The following ST6GAL1 variants were observed in gnomAD, a reference collection of about 807,000 sequenced individuals.
The protein encoded by ST6GAL1 is ST6 beta-galactoside alpha-2,6-sialyltransferase 1.
In ST6GAL1, 20 loss-of-function variants were observed where a neutral mutation model predicts 38.0. That is an observed-to-expected ratio of 0.53 (90% CI 0.37 to 0.77). The LOEUF is 0.77. Among genes scored for constraint, ST6GAL1 ranks in the 30% least tolerant of loss-of-function variants. The probability of loss-of-function intolerance (pLI) is 0.00; values close to 1 mark genes in which losing one functional copy is unlikely to be tolerated. For missense variants in ST6GAL1, 432 were observed against 496.4 expected (o/e 0.87, Z 1.23); for synonymous variants, 196 against 188.2 (o/e 1.04, Z -0.34).
At chr3:186,985,055 C>G (rs986607108) in intron 2 of ST6GAL1, among the ~76,000 whole-genome samples, 2 of 151,838 alleles carry the variant, frequency 1.3e-5, no homozygotes, top group African/African-American at 4.8e-5. Flanking sequence ...ATTACAGGTG[C>G]CCACCATGAC....
chr3:187,054,676 G>A (rs1718630145), intron 5 of ST6GAL1, among the ~76,000 whole-genome samples: 1 of 152,100 alleles, frequency 6.6e-6, no homozygotes, highest in South Asian at 2.1e-4. Flanking sequence ...TAAGCTTTTT[G>A]ATGCACTGCT....
intron 2 of ST6GAL1, among the ~76,000 whole-genome samples, chr3:186,983,423 G>A (rs1218698268): frequency 1.3e-5 from 2 of 152,154 alleles, no homozygotes; most frequent in Non-Finnish European, 2.9e-5. Context: ...GAAATATTCT[G>A]AGAGTAGAAA....
At chr3:186,992,396 A>G (rs1716203575) in intron 2 of ST6GAL1, among the ~76,000 whole-genome samples, 1 of 152,198 alleles carries the variant, frequency 6.6e-6, no homozygotes, top group Admixed American at 6.5e-5. Flanking sequence ...CTGCAAGTCA[A>G]TTAAAACTCT....
chr3:186,980,961 C>A (rs1218750114), intron 2 of ST6GAL1, among the ~76,000 whole-genome samples: 2 of 152,140 alleles, frequency 1.3e-5, no homozygotes, highest in African/African-American at 4.8e-5. Context: ...GGACCCATTC[C>A]TCAGTCAGTG....
intron 1 of ST6GAL1, chr3:186,948,655 T>G (rs530538667): frequency 6.6e-6 from 1 of 152,404 alleles, no homozygotes; most frequent in Admixed American, 6.5e-5. Flanking sequence ...CTCACTGGTC[T>G]CTCTGCTATA....
At chr3:186,968,214 G>A (rs901919787) in intron 2 of ST6GAL1, among the ~76,000 whole-genome samples, 13 of 152,110 alleles carry the variant, frequency 8.5e-5, no homozygotes, top group African/African-American at 2.2e-4. Context: ...ATGACCTCCC[G>A]GCTTTCTGAT....
intron 2 of ST6GAL1, among the ~76,000 whole-genome samples, chr3:186,972,872 A>G (rs1466059656): frequency 1.3e-5 from 2 of 151,940 alleles, no homozygotes. Context: ...CTGGGACAGG[A>G]GCAGTTTGGG....
chr3:186,975,341 T>C (rs1283064076), intron 2 of ST6GAL1, among the ~76,000 whole-genome samples: 1 of 152,172 alleles, frequency 6.6e-6, no homozygotes, highest in Admixed American at 6.5e-5. Context: ...CTTCAGGAGA[T>C]TAATCTTTTG....
chr3:186,963,372 G>A (rs1183246916), intron 1 of ST6GAL1, among the ~76,000 whole-genome samples: 1 of 152,194 alleles, frequency 6.6e-6, no homozygotes, highest in African/African-American at 2.4e-5. Context: ...TTACAGGCAT[G>A]AATTCACATT....
intron 1 of ST6GAL1, among the ~76,000 whole-genome samples, chr3:186,949,871 C>T (rs996623802): frequency 2.6e-5 from 4 of 152,196 alleles, no homozygotes; most frequent in African/African-American, 9.7e-5. Context: ...TGGTGTGAGT[C>T]CTAGAGGTAG....
chr3:186,951,679 C>T (rs1242942297), intron 1 of ST6GAL1, among the ~76,000 whole-genome samples: 2 of 152,310 alleles, frequency 1.3e-5, no homozygotes, highest in South Asian at 2.1e-4. Flanking sequence ...CCTATCCATA[C>T]TCTCAGTTGA....
At chr3:186,946,767 C>T (rs973189871) in intron 1 of ST6GAL1, among the ~76,000 whole-genome samples, 8 of 151,990 alleles carry the variant, frequency 5.3e-5, no homozygotes, top group Non-Finnish European at 1.2e-4. Flanking sequence ...TAAATCAGAC[C>T]ACTGAAGCTA....
chr3:187,009,465 A>T (rs117210196), intron 2 of ST6GAL1, among the ~76,000 whole-genome samples: 4 of 152,086 alleles, frequency 2.6e-5, no homozygotes, highest in Admixed American at 2.6e-4. Flanking sequence ...TATGAGTGCA[A>T]TTTTTTATTT....
chr3:187,043,066 G>A lies in ST6GAL1; in HGVS notation c.363G>A (p.Lys121=). 1.2e-6 allele frequency: 2 copies of A among 1,614,218 alleles called. No individual in the cohort carries two copies. Among genetic ancestry groups the A allele is most frequent in the Non-Finnish European group, 1.7e-6 (2 of 1,180,040 alleles). The change falls in exon 4 of 8, where the codon AAG becomes AAA. Residue 121 remains lysine, a synonymous_variant. Transcript: ENST00000169298. ...GGAAGAATTACCTAAGCATGAACAA[G>A]TACAAAGTGTCCTACAAGGGGCCAG... ...KIWKNYLSMN[K]YKVSYKGPGP...
chr3:186,940,766 G>A (rs1288200481), intron 1 of ST6GAL1, among the ~76,000 whole-genome samples: 1 of 145,164 alleles, frequency 6.9e-6, no homozygotes, highest in Non-Finnish European at 1.5e-5. Flanking sequence ...GTGTATTGGA[G>A]GTCTTCCCAT....
At chr3:186,992,975 G>A (rs544303778) in intron 2 of ST6GAL1, among the ~76,000 whole-genome samples, 12 of 152,040 alleles carry the variant, frequency 7.9e-5, no homozygotes, top group Middle Eastern at 3.4e-3. Flanking sequence ...TGCCTGTCCC[G>A]TGCAGTTCTT....
intron 1 of ST6GAL1, among the ~76,000 whole-genome samples, chr3:186,938,639 CAAGTT>C (rs1714047266): frequency 6.6e-6 from 1 of 151,902 alleles, no homozygotes; most frequent in Admixed American, 6.6e-5. Flanking sequence ...CACCAAGTGA[CAAGTT>C]GAGAGAGAAA....
rs377645864 is a variant in ST6GAL1, at chr3:187,042,937, C to T, written c.234C>T (p.Leu78=). The T allele has an allele frequency of 1.1e-4, 172 of 1,614,098 alleles. No homozygotes were observed. The highest frequency in any genetic ancestry group is 2.7e-4 in the Admixed American group (16 of 60,004). ...TQDPHRGRQT[L]GSLRGLAKAK... Reference sequence around the variant, plus strand: ...ACCCCCACAGGGGCCGCCAGACCCTCGGCAGTCTCAGAGGCCTAGCCAAGG... The same window carrying T: ...ACCCCCACAGGGGCCGCCAGACCCTTGGCAGTCTCAGAGGCCTAGCCAAGG... Residue 78 remains leucine, a synonymous_variant, in exon 4 of 8, where the codon CTC becomes CTT. Coordinates refer to ENST00000169298, the MANE Select transcript of ST6GAL1 (RefSeq NM_173216.2).
chr3:186,979,649 C>T lies in ST6GAL1; in HGVS notation c.-183+15723C>T, dbSNP rs552687031. On this transcript the variant is annotated intron_variant, in intron 2 of 7. Transcript: ENST00000169298. ...GTAATAGCTGCTCCTAAGAATGCAA[C>T]GTGAGCTGAATTCAAACATGAATTT... Among the ~76,000 whole-genome samples, 16 of 152,248 alleles carry T rather than the reference C, an allele frequency of 1.1e-4. 1 individual carries two copies. In the South Asian group the frequency reaches 1.5e-3, roughly 14 times the overall value.
Sources: allele counts gnomAD v4.1 joint callset (sites outside exome capture counted in the v4.1 genomes callset), GRCh38; gene constraint gnomAD v4.1.1; transcripts MANE v1.5; gene names NCBI Gene and HGNC (gene_info 2026-07-23, HGNC 2026-07-21).